The following KLHL23 variants were observed in gnomAD, a reference collection of about 807,000 sequenced individuals.
The protein encoded by KLHL23 is kelch like family member 23, also known as kelch-like protein 23.
A neutral mutation model predicts 48.9 loss-of-function variants in KLHL23; 33 were observed. That is an observed-to-expected ratio of 0.67 (90% CI 0.51 to 0.90). KLHL23 has a LOEUF of 0.90. Among genes scored for constraint, KLHL23 ranks in the 40% least tolerant of loss-of-function variants. The pLI is 0.00. For missense variants in KLHL23, 608 were observed against 669.6 expected (o/e 0.91, Z 1.02); for synonymous variants, 234 against 231.6 (o/e 1.01, Z -0.09).
chr2:169,747,346 G>A (rs561551717), intron 3 of KLHL23, among the ~76,000 whole-genome samples: 23 of 131,378 alleles, frequency 1.8e-4, no homozygotes, highest in African/African-American at 6.5e-4. Flanking sequence ...CCGAGATTGC[G>A]CCACTGCACT....
chr2:169,737,463 C>G (rs1025822198), intron 2 of KLHL23, among the ~76,000 whole-genome samples: 1 of 152,098 alleles, frequency 6.6e-6, no homozygotes, highest in Non-Finnish European at 1.5e-5. Flanking sequence ...CAGGAGGGCT[C>G]TGAATGTCCT....
Position 169,735,801 on chromosome 2 carries a change from A to G in KLHL23, c.787A>G (p.Met263Val), listed in dbSNP as rs900901585. The change falls in exon 2 of 4, where the codon ATG (methionine) becomes GTG (valine). Residue 263 changes from methionine (M) to valine (V), a missense_variant. Coordinates refer to ENST00000392647, the MANE Select transcript of KLHL23 (RefSeq NM_144711.6). The surrounding 1 kb of genome is among the most constrained non-coding windows in gnomAD (Gnocchi z 4.5). ...CCTAATATACAATGCCTTGAATCCC[A>G]TGCATAAAGAGATTTCCCAGAGGTC... Reference protein sequence around the residue: ...RSLIYNALNPMHKEISQRSTA... With the variant: ...RSLIYNALNPVHKEISQRSTA... 1 of 1,614,132 alleles carries G rather than the reference A, an allele frequency of 6.2e-7. No individual in the cohort carries two copies. The highest frequency in any genetic ancestry group is 8.5e-7 in the Non-Finnish European group (1 of 1,180,044).
chr2:169,740,339 T>A (rs143809701), intron 2 of KLHL23, among the ~76,000 whole-genome samples: 1,718 of 152,188 alleles, frequency 0.011, 46 homozygotes, highest in African/African-American at 0.04. Context: ...CTCAAACTCC[T>A]CCTGGGCTCA....
intron 3 of KLHL23, 133 bp from the exon 4 acceptor site, chr2:169,749,289 C>A: frequency 2.0e-6 from 2 of 979,984 alleles, no homozygotes; most frequent in African/African-American, 1.6e-5. Context: ...TATTGTGTGC[C>A]TGAATCAAAA....
In KLHL23 at chr2:169,745,308, C is replaced by G. The variant is rs180738769; in HGVS notation, c.1366+3771C>G. On this transcript the variant is annotated intron_variant, in intron 3 of 3. Transcript: ENST00000392647. ...TGGGCGGATCATGAGGTCAGGAGAT[C>G]GAGACCATCCTGGCTAACATGGTGA... Among the ~76,000 whole-genome samples, 8 of 151,736 alleles carry G rather than the reference C, an allele frequency of 5.3e-5. No homozygotes were observed. The East Asian group carries it at 1.2e-3, about 22-fold the overall frequency.
intron 2 of KLHL23, among the ~76,000 whole-genome samples, chr2:169,739,385 C>T (rs1175688346): frequency 1.3e-5 from 2 of 152,160 alleles, no homozygotes; most frequent in Non-Finnish European, 2.9e-5. Flanking sequence ...TGTTGGGCAT[C>T]AGTAAGTATC....
intron 3 of KLHL23, among the ~76,000 whole-genome samples, chr2:169,741,894 CA>C (rs1233663797): frequency 6.6e-6 from 1 of 152,154 alleles, no homozygotes; most frequent in African/African-American, 2.4e-5. Context: ...ACCATTCTAT[CA>C]AATAGTCAGA....
At chr2:169,742,655 A>G (rs1157989992) in intron 3 of KLHL23, among the ~76,000 whole-genome samples, 1 of 152,198 alleles carries the variant, frequency 6.6e-6, no homozygotes, top group Non-Finnish European at 1.5e-5. Context: ...AAGCACACCT[A>G]AATCTGGTGC....
At chr2:169,740,297 A>G (rs186053624) in intron 2 of KLHL23, among the ~76,000 whole-genome samples, 20 of 151,652 alleles carry the variant, frequency 1.3e-4, no homozygotes, top group Admixed American at 1.2e-3. Context: ...TTTTTTGTAG[A>G]GATGTGGTCT....
Position 169,740,767 on chromosome 2 carries a change from TA to T in KLHL23, c.1214-617del, listed in dbSNP as rs1558947726. Among the ~76,000 whole-genome samples the T allele has an allele frequency of 5.6e-3, 92 of 16,456 alleles. 1 individual carries two copies. Among genetic ancestry groups the T allele is most frequent in the Admixed American group, 0.025 (45 of 1,824 alleles). 10.8% of individuals were successfully genotyped at this position (16,456 alleles called of 152,430 possible). ...CCGGCCTCTATAAGCTTTTTTATAT[TA>T]TATATATATATATATATATATATAA... On this transcript the variant is annotated intron_variant, in intron 2 of 3. Coordinates refer to ENST00000392647, the MANE Select transcript of KLHL23 (RefSeq NM_144711.6).
chr2:169,734,928 C>T, intron 1 of KLHL23, 85 bp from the exon 2 acceptor site: 1 of 1,472,848 alleles, frequency 6.8e-7, no homozygotes, highest in South Asian at 1.5e-5. Flanking sequence ...GGAGTATATC[C>T]GATGATAGTC....
chr2:169,738,914 CCTATCT>C (rs1688594999), intron 2 of KLHL23, among the ~76,000 whole-genome samples: 1 of 1,046 alleles, frequency 9.6e-4, no homozygotes, highest in Non-Finnish European at 1.6e-3. Flanking sequence ...TCATGTTTCG[CCTATCT>C]TCCTCTTTCT....
chr2:169,747,410 T>TAAAAAAAAAAAAAAAAAAAAAAAAA (rs1688821104), intron 3 of KLHL23, among the ~76,000 whole-genome samples: 1 of 55,234 alleles, frequency 1.8e-5, no homozygotes, highest in Non-Finnish European at 4.5e-5. Context: ...AAAAAAAAAC[T>TAAAAAAAAAAAAAAAAAAAAAAAAA]GAGGGAGAAC....
At chr2:169,740,816 C>T (rs1309701536) in intron 2 of KLHL23, among the ~76,000 whole-genome samples, 6 of 134,602 alleles carry the variant, frequency 4.5e-5, no homozygotes, top group Non-Finnish European at 6.3e-5. Context: ...TTTTTTTACT[C>T]GTTAAACTTT....
chr2:169,741,212 CTT>C, intron 2 of KLHL23, 171 bp from the exon 3 acceptor site: 3 of 750,808 alleles, frequency 4.0e-6, no homozygotes, highest in Admixed American at 3.1e-5. Context: ...CTCACCCTCT[CTT>C]AAGAGCACAA....
At chr2:169,739,244 A>G (rs1338521713) in intron 2 of KLHL23, among the ~76,000 whole-genome samples, 1 of 151,660 alleles carries the variant, frequency 6.6e-6, no homozygotes, top group African/African-American at 2.4e-5. Context: ...AGCCCCTTCA[A>G]AATCAGGCCC....
At chr2:169,738,744 G>T (rs1015955522) in intron 2 of KLHL23, among the ~76,000 whole-genome samples, 1 of 151,028 alleles carries the variant, frequency 6.6e-6, no homozygotes, top group African/African-American at 2.4e-5. Context: ...GTAAAAGTTA[G>T]TGGAAAGACA....
At chr2:169,734,405 C>T (rs1248615332) in intron 1 of KLHL23, among the ~76,000 whole-genome samples, 7 of 149,626 alleles carry the variant, frequency 4.7e-5, no homozygotes, top group Admixed American at 2.7e-4. Context: ...CGGGCGGGAA[C>T]GTGGGCCGGG....
chr2:169,736,239 T>C lies in KLHL23; in HGVS notation c.1213+12T>C, dbSNP rs1688512733. The stretch of plus-strand genomic sequence containing the variant: ...AAACATGATTAAAGGTAAGTGGAGA[T>C]TATGTTTATTTTGTATTTTTTAGAT... On this transcript the variant is annotated intron_variant, in intron 2 of 3. Coordinates refer to ENST00000392647, the MANE Select transcript of KLHL23 (RefSeq NM_144711.6). The C allele has an allele frequency of 6.3e-7, 1 of 1,579,838 alleles. No individual in the cohort carries two copies. The highest frequency in any genetic ancestry group is 2.2e-5 in the East Asian group (1 of 44,610).
Sources: allele counts gnomAD v4.1 joint callset (sites outside exome capture counted in the v4.1 genomes callset), GRCh38; gene constraint gnomAD v4.1.1; non-coding constraint Gnocchi (gnomAD v3.1); transcripts MANE v1.5; gene names NCBI Gene and HGNC (gene_info 2026-07-23, HGNC 2026-07-21).